Variants in EYA2 observed in about 807,000 individuals in gnomAD.
EYA2 encodes EYA transcriptional coactivator and phosphatase 2, also known as protein phosphatase EYA2.
In EYA2, 31 loss-of-function variants were observed where a neutral mutation model predicts 69.2. The observed-to-expected ratio is 0.45, with a 90% confidence interval of 0.34 to 0.60. EYA2 has a LOEUF of 0.60. Ranked by LOEUF, EYA2 falls within the 20% of genes least tolerant of loss-of-function variation. The probability of loss-of-function intolerance (pLI) is 0.02; values close to 1 mark genes in which losing one functional copy is unlikely to be tolerated. For missense variants in EYA2, 622 were observed against 701.2 expected (o/e 0.89, Z 1.28); for synonymous variants, 257 against 279.4 (o/e 0.92, Z 0.80).
chr20:47,100,438 G>A (rs892572512), intron 9 of EYA2, among the ~76,000 whole-genome samples: 3 of 152,108 alleles, frequency 2.0e-5, no homozygotes, highest in Non-Finnish European at 4.4e-5. Flanking sequence ...CCCATTCTTG[G>A]GACTCTCTGG....
intron 1 of EYA2, among the ~76,000 whole-genome samples, chr20:46,951,807 C>T (rs989055436): frequency 2.0e-5 from 3 of 152,176 alleles, no homozygotes; most frequent in African/African-American, 7.2e-5. Flanking sequence ...CCAAGTTCAA[C>T]CTCTCAGAGC....
intron 9 of EYA2, among the ~76,000 whole-genome samples, chr20:47,119,883 A>G (rs1174918863): frequency 6.6e-6 from 1 of 152,084 alleles, no homozygotes; most frequent in Non-Finnish European, 1.5e-5. Context: ...CCTGGGCAAC[A>G]TAGTAAGAGC....
intron 5 of EYA2, among the ~76,000 whole-genome samples, chr20:47,057,846 G>T (rs2030707320): frequency 6.6e-6 from 1 of 152,220 alleles, no homozygotes; most frequent in African/African-American, 2.4e-5. Flanking sequence ...CCACAGGTGT[G>T]TGGAGGCAGG....
At chr20:46,947,527 G>A (rs1439182035) in intron 1 of EYA2, among the ~76,000 whole-genome samples, 1 of 152,150 alleles carries the variant, frequency 6.6e-6, no homozygotes, top group Non-Finnish European at 1.5e-5. Context: ...ACACCAGTCA[G>A]GATCAGCTTG....
At chr20:47,116,739 T>C (rs1600720625) in intron 9 of EYA2, among the ~76,000 whole-genome samples, 1 of 152,262 alleles carries the variant, frequency 6.6e-6, no homozygotes, top group African/African-American at 2.4e-5. Flanking sequence ...CTTCCTGAGA[T>C]CACCTCCCAG....
Position 47,089,239 on chromosome 20 carries a change from G to A in EYA2, c.662G>A (p.Gly221Asp). The A allele has an allele frequency of 1.2e-6, 2 of 1,613,672 alleles. No individual in the cohort carries two copies. The highest frequency in any genetic ancestry group is 1.7e-6 in the Non-Finnish European group (2 of 1,179,820). Residue 221 changes from glycine to aspartate, a missense_variant and splice_region_variant, in exon 8 of 16, where the codon GGT (glycine) becomes GAT (aspartate). Gly to Asp is a moderately conservative substitution (Grantham distance 94). Transcript: ENST00000327619. ...VPNQSSESLA[G>D]EYNTHNGPST... ...TCCACCATTCCCTTTCTTACGCCAG[G>A]TGAATACAACACACACAATGGACCT...
At chr20:46,897,954 G>A (rs1241733992) in intron 1 of EYA2, among the ~76,000 whole-genome samples, 1 of 152,078 alleles carries the variant, frequency 6.6e-6, no homozygotes, top group Non-Finnish European at 1.5e-5. Context: ...GCAAAGGCTT[G>A]GGGAGAAGGA....
At chr20:47,099,902 A>G (rs907868187) in intron 9 of EYA2, among the ~76,000 whole-genome samples, 4 of 152,062 alleles carry the variant, frequency 2.6e-5, no homozygotes, top group Non-Finnish European at 4.4e-5. Context: ...TTATTTCCCC[A>G]ACCACGCGCA....
intron 12 of EYA2, among the ~76,000 whole-genome samples, chr20:47,174,300 T>C (rs950915591): frequency 6.6e-6 from 1 of 152,262 alleles, no homozygotes; most frequent in Non-Finnish European, 1.5e-5. Flanking sequence ...ACTTTCTAGC[T>C]ATGTGGCCTT....
At chr20:47,154,442 G>A (rs1329395044) in intron 10 of EYA2, among the ~76,000 whole-genome samples, 1 of 152,004 alleles carries the variant, frequency 6.6e-6, no homozygotes, top group African/African-American at 2.4e-5. Context: ...TTACAAATGA[G>A]GAAACTGAGG....
intron 10 of EYA2, among the ~76,000 whole-genome samples, chr20:47,144,280 C>T (rs192566494): frequency 1.1e-4 from 17 of 151,368 alleles, no homozygotes; most frequent in African/African-American, 4.1e-4. Flanking sequence ...AGCGTGAACC[C>T]GGAAGGCGGA....
intron 10 of EYA2, among the ~76,000 whole-genome samples, chr20:47,163,237 G>A (rs1231958308): frequency 2.0e-5 from 3 of 151,388 alleles, no homozygotes; most frequent in African/African-American, 7.3e-5. Flanking sequence ...CACTATGTTG[G>A]CCAGGCTGGT....
At chr20:47,086,476 C>T (rs2031895849) in intron 7 of EYA2, among the ~76,000 whole-genome samples, 1 of 152,144 alleles carries the variant, frequency 6.6e-6, no homozygotes, top group South Asian at 2.1e-4. Flanking sequence ...AATTTGCAAT[C>T]ATGGCGGAAG....
chr20:47,122,987 A>G (rs891527876), intron 9 of EYA2, among the ~76,000 whole-genome samples: 5 of 152,212 alleles, frequency 3.3e-5, no homozygotes, highest in African/African-American at 1.2e-4. Flanking sequence ...GTGACCTCAG[A>G]CAAGTCACTT....
chr20:47,166,714 C>T (rs1215391166), intron 10 of EYA2, among the ~76,000 whole-genome samples: 1 of 152,264 alleles, frequency 6.6e-6, no homozygotes, highest in South Asian at 2.1e-4. Flanking sequence ...GCACCCGACA[C>T]TGTTCTCGGT....
At chr20:47,144,923 A>G (rs780921814) in intron 10 of EYA2, among the ~76,000 whole-genome samples, 2 of 152,224 alleles carry the variant, frequency 1.3e-5, no homozygotes, top group Non-Finnish European at 2.9e-5. Flanking sequence ...GTGAGTATTT[A>G]TGGAGCCTAA....
At chr20:46,958,850 A>G (rs964426473) in intron 1 of EYA2, among the ~76,000 whole-genome samples, 2 of 152,280 alleles carry the variant, frequency 1.3e-5, no homozygotes, top group African/African-American at 2.4e-5. Flanking sequence ...AGCTCCATCC[A>G]TGTCCCTGCA....
chr20:46,987,950 CTCTCTCTCTCTCTCTATA>C (rs1430715545), intron 1 of EYA2, among the ~76,000 whole-genome samples: 2 of 41,630 alleles, frequency 4.8e-5, no homozygotes, highest in East Asian at 6.0e-4. Flanking sequence ...CTCTCTCTCT[CTCTCTCTCTCTCTCTATA>C]TATATATATA....
chr20:47,135,566 C>CG (rs1381967047), intron 9 of EYA2, among the ~76,000 whole-genome samples: 1 of 151,884 alleles, frequency 6.6e-6, no homozygotes, highest in Non-Finnish European at 1.5e-5. Flanking sequence ...CCCACAGTCA[C>CG]ATAAACCAGT....
Sources: gnomAD v4.1 joint callset for allele counts (sites outside exome capture counted in the v4.1 genomes callset) on GRCh38, gnomAD v4.1.1 for gene constraint, MANE v1.5 for transcripts, NCBI Gene and HGNC (gene_info 2026-07-23, HGNC 2026-07-21) for gene names.